ADGRL2: variants seen among roughly 807,000 people sequenced by gnomAD.
ADGRL2 encodes the protein calcium-independent alpha-latrotoxin receptor 2.
Under a neutral mutation model 157.4 loss-of-function variants are expected in ADGRL2, and 44 were observed. That is an observed-to-expected ratio of 0.28 (90% CI 0.22 to 0.36). The LOEUF (loss-of-function observed/expected upper bound fraction) is 0.36. Among genes scored for constraint, ADGRL2 ranks in the 10% least tolerant of loss-of-function variants. The pLI is 1.00. For synonymous variants in ADGRL2, 585 were observed against 624.7 expected, an observed-to-expected ratio of 0.94 and a Z score of 0.95; for missense variants, 1,510 against 1,768.9, an observed-to-expected ratio of 0.85 and a Z score of 2.63.
chr1:81,710,863 G>A (rs969949856), intron 1 of ADGRL2, among the ~76,000 whole-genome samples: 1 of 151,478 alleles, frequency 6.6e-6, no homozygotes, highest in Non-Finnish European at 1.5e-5. Flanking sequence ...GTTTATTAAA[G>A]GTTAGTTGCA....
intron 17 of ADGRL2, among the ~76,000 whole-genome samples, chr1:81,978,086 A>C (rs942073853): frequency 3.3e-5 from 5 of 151,688 alleles, no homozygotes; most frequent in East Asian, 1.9e-4. Flanking sequence ...TTAAAAAAAA[A>C]ACACACTCTT....
At chr1:81,978,956 C>CA (rs540324197) in intron 17 of ADGRL2, among the ~76,000 whole-genome samples, 15 of 149,862 alleles carry the variant, frequency 1.0e-4, no homozygotes, top group South Asian at 6.3e-4. Context: ...AATAAAATGG[C>CA]AAAAAAAAAT....
intron 1 of ADGRL2, among the ~76,000 whole-genome samples, chr1:81,435,839 G>A (rs1442251830): frequency 6.6e-6 from 1 of 152,160 alleles, no homozygotes; most frequent in African/African-American, 2.4e-5. Flanking sequence ...GCTCATGCCT[G>A]TAATCCCAGC....
chr1:81,415,843 CTT>C (rs35114762), intron 1 of ADGRL2, among the ~76,000 whole-genome samples: 6 of 137,844 alleles, frequency 4.4e-5, no homozygotes, highest in Admixed American at 7.3e-5. Context: ...TCTCCTTTTC[CTT>C]TTTTTTTTTT....
At chr1:81,588,283 C>A (rs2081066519) in intron 3 of ADGRL2, 1 of 152,216 alleles carries the variant, frequency 6.6e-6, no homozygotes, top group African/African-American at 2.4e-5. Context: ...GAGCTGTTAG[C>A]AGCCAAAAAC....
At chr1:81,980,786 C>T in intron 18 of ADGRL2, 1 of 703,724 alleles carries the variant, frequency 1.4e-6, no homozygotes. Context: ...GTCTTCTCAT[C>T]TACACCAGTA....
chr1:81,433,226 G>A (rs1490191806), intron 1 of ADGRL2, among the ~76,000 whole-genome samples: 4 of 152,070 alleles, frequency 2.6e-5, no homozygotes, highest in African/African-American at 4.8e-5. Flanking sequence ...TAATCAAAAT[G>A]TCATGTGATT....
At chr1:81,648,486 GC>G (rs941074185) in intron 3 of ADGRL2, among the ~76,000 whole-genome samples, 17 of 152,300 alleles carry the variant, frequency 1.1e-4, no homozygotes, top group African/African-American at 4.1e-4. Flanking sequence ...GTTTACTGCA[GC>G]AAAACAAGGA....
Position 81,940,874 on chromosome 1 carries a change from A to G in ADGRL2, c.398-1160A>G, listed in dbSNP as rs80120883. ...GTAAGTATTAGAATACGGTTTACCA[A>G]CAAGGATCTTACATAGCCCCCTTCC... On this transcript the variant is annotated intron_variant, in intron 4 of 23. Transcript: ENST00000686636. 7.7e-4 allele frequency among the ~76,000 whole-genome samples: 116 copies of G among 151,532 alleles called. 1 individual carries two copies. In the East Asian group the frequency reaches 0.018, roughly 24 times the overall value.
chr1:81,657,189 A>G, intron 3 of ADGRL2, among the ~76,000 whole-genome samples: 1 of 152,224 alleles, frequency 6.6e-6, no homozygotes, highest in South Asian at 2.1e-4. Context: ...TAATGTGATC[A>G]TATTAAAAGG....
At chr1:81,732,468 T>A (rs189988533) in intron 1 of ADGRL2, among the ~76,000 whole-genome samples, 16 of 152,310 alleles carry the variant, frequency 1.1e-4, no homozygotes, top group Non-Finnish European at 1.8e-4. Context: ...CAGCACAGCC[T>A]TACAGAGGTA....
chr1:81,415,732 G>A (rs1269555888), intron 1 of ADGRL2, among the ~76,000 whole-genome samples: 2 of 152,340 alleles, frequency 1.3e-5, no homozygotes, highest in African/African-American at 4.8e-5. Context: ...TTCTGGGCTA[G>A]TCCTGAAATA....
intron 3 of ADGRL2, among the ~76,000 whole-genome samples, chr1:81,645,481 C>G (rs2082297355): frequency 6.6e-6 from 1 of 151,750 alleles, no homozygotes; most frequent in South Asian, 2.1e-4. Flanking sequence ...TAAATTATTC[C>G]TCAATTACTA....
chr1:81,869,313 T>C (rs1312310673), intron 2 of ADGRL2, among the ~76,000 whole-genome samples: 1 of 152,112 alleles, frequency 6.6e-6, no homozygotes, highest in Non-Finnish European at 1.5e-5. Context: ...TTTAGACCTA[T>C]TACCTGATCA....
chr1:81,469,392 A>C (rs1049739833), intron 2 of ADGRL2, among the ~76,000 whole-genome samples: 1 of 152,138 alleles, frequency 6.6e-6, no homozygotes, highest in Non-Finnish European at 1.5e-5. Context: ...GCGTCACATC[A>C]ACATACCCAG....
At chr1:81,958,118 G>A (rs1039427548) in intron 11 of ADGRL2, among the ~76,000 whole-genome samples, 1 of 150,000 alleles carries the variant, frequency 6.7e-6, no homozygotes, top group Non-Finnish European at 1.5e-5. Context: ...TTAGCCAGGC[G>A]TGGTGGGGGG....
chr1:81,390,795 G>C (rs968644016), intron 1 of ADGRL2, among the ~76,000 whole-genome samples: 1 of 152,306 alleles, frequency 6.6e-6, no homozygotes, highest in African/African-American at 2.4e-5. Context: ...TTATATGAAT[G>C]CAACAAAATT....
intron 1 of ADGRL2, among the ~76,000 whole-genome samples, chr1:81,410,348 CCTT>C (rs1160097972): frequency 3.9e-5 from 6 of 152,296 alleles, no homozygotes; most frequent in Non-Finnish European, 7.4e-5. Flanking sequence ...ACAAAAATGT[CCTT>C]CTTTCAAAAT....
chr1:81,605,427 G>C (rs900018525), intron 3 of ADGRL2, among the ~76,000 whole-genome samples: 19 of 152,136 alleles, frequency 1.2e-4, no homozygotes, highest in Non-Finnish European at 2.9e-5. Flanking sequence ...GGATCTCCAG[G>C]ATACCAAGAG....
Sources: gnomAD v4.1 joint callset for allele counts (sites outside exome capture counted in the v4.1 genomes callset) on GRCh38, gnomAD v4.1.1 for gene constraint, MANE v1.5 for transcripts, NCBI Gene and HGNC (gene_info 2026-07-23, HGNC 2026-07-21) for gene names.